Variants in ASCC1 observed in about 807,000 individuals in gnomAD.
ASCC1 encodes activating signal cointegrator 1 complex subunit 1.
A neutral mutation model predicts 46.6 loss-of-function variants in ASCC1; 35 were observed. The ratio of observed to expected loss-of-function variants is 0.75; its 90% confidence interval spans 0.57 to 0.99. The LOEUF is 0.99. Among genes scored for constraint, ASCC1 ranks in the 50% least tolerant of loss-of-function variants. ASCC1 has a pLI of 0.00. For missense variants in ASCC1, 376 were observed against 428.7 expected, an observed-to-expected ratio of 0.88 and a Z score of 1.09; for synonymous variants, 143 against 146.6, an observed-to-expected ratio of 0.98 and a Z score of 0.18.
chr10:72,097,625 A>G (rs949543717), intron 9 of ASCC1, among the ~76,000 whole-genome samples, 175 bp from the exon 10 acceptor site: 3 of 152,166 alleles, frequency 2.0e-5, no homozygotes, highest in Non-Finnish European at 4.4e-5. Flanking sequence ...TGGGGGTGGG[A>G]GTGAGAAAAG....
chr10:72,112,878 C>CA (rs60754683), intron 9 of ASCC1, among the ~76,000 whole-genome samples: 1,915 of 81,322 alleles, frequency 0.024, 6 homozygotes, highest in East Asian at 0.088. Context: ...ACTCTGCCTC[C>CA]AAAAAAAAAA....
chr10:72,112,174 C>G (rs1842989837), intron 9 of ASCC1, among the ~76,000 whole-genome samples: 1 of 152,228 alleles, frequency 6.6e-6, no homozygotes, highest in Non-Finnish European at 1.5e-5. Flanking sequence ...TATTCTGCTA[C>G]TGGTTTGTTT....
chr10:72,120,105 G>A (rs1933109163), intron 9 of ASCC1, among the ~76,000 whole-genome samples: 2 of 152,116 alleles, frequency 1.3e-5, no homozygotes, highest in African/African-American at 4.8e-5. Context: ...GCGGGTGCCT[G>A]TAATCCCAGA....
intron 7 of ASCC1, among the ~76,000 whole-genome samples, chr10:72,143,349 C>G (rs1847255909): frequency 6.6e-6 from 1 of 151,848 alleles, no homozygotes; most frequent in Admixed American, 6.6e-5. Flanking sequence ...CAGTCAATCA[C>G]CTTACTAAAC....
chr10:72,103,091 C>T, intron 9 of ASCC1: 1 of 340,794 alleles, frequency 2.9e-6, no homozygotes, highest in Non-Finnish European at 5.7e-6. Flanking sequence ...CAGGAATTAT[C>T]TTATTGCGTC....
intron 5 of ASCC1, among the ~76,000 whole-genome samples, chr10:72,195,059 G>A (rs1370474612): frequency 2.0e-5 from 3 of 150,510 alleles, no homozygotes; most frequent in East Asian, 3.9e-4. Flanking sequence ...TGTTATTTTA[G>A]TCATCACTGC....
chr10:72,106,518 T>A (rs957608736), intron 9 of ASCC1, among the ~76,000 whole-genome samples: 1 of 151,344 alleles, frequency 6.6e-6, no homozygotes, highest in Non-Finnish European at 1.5e-5. Context: ...TTTCTCACAA[T>A]TATCCCGTTT....
chr10:72,190,152 G>A (rs541267708), intron 5 of ASCC1: 13 of 762,458 alleles, frequency 1.7e-5, no homozygotes, highest in African/African-American at 1.0e-4. Context: ...TGTGGTGGCC[G>A]AAAACACCCA....
Position 72,128,085 on chromosome 10 carries a change from T to TA in ASCC1, c.953dup (p.Leu318PhefsTer5). ...ATTCACTCTGCTTCATACTGACCTT[T>TA]AAAATATTTCGGCCATCAAATGATT... is the stretch of plus-strand genomic sequence containing the variant. On this transcript the variant is annotated frameshift_variant, in exon 9 of 10. Transcript: ENST00000672957. LOFTEE classifies it high-confidence loss of function. 1 of 1,613,398 alleles carries TA rather than the reference T, an allele frequency of 6.2e-7. No homozygotes were observed. Among genetic ancestry groups the TA allele is most frequent in the Non-Finnish European group, 8.5e-7 (1 of 1,179,320 alleles).
intron 2 of ASCC1, among the ~76,000 whole-genome samples, chr10:72,212,643 T>C (rs1013148853): frequency 1.3e-5 from 2 of 151,760 alleles, no homozygotes; most frequent in Non-Finnish European, 2.9e-5. Flanking sequence ...AGGTCAGGAG[T>C]TTGAGACTAG....
chr10:72,107,308 C>T (rs1482544066), intron 9 of ASCC1, among the ~76,000 whole-genome samples: 1 of 148,178 alleles, frequency 6.7e-6, no homozygotes, highest in Admixed American at 6.7e-5. Context: ...AGTTACCCCC[C>T]CCCCAAAAAA....
Position 72,133,062 on chromosome 10 carries a change from G to T in ASCC1, c.866C>A (p.Pro289His). ...TAGTTCTCTGGGGGACTTACCATTG[G>T]GGTCTTTCCTGAATAGTGTATTCAT... ...TVMNTLFRKD[P>H]NAEGRYNLYT... The change falls in exon 8 of 10, where the codon CCC (proline) becomes CAC (histidine). Residue 289 changes from proline (P) to histidine (H), a missense_variant. Transcript: ENST00000672957. 1 of 1,614,106 alleles carries T rather than the reference G, an allele frequency of 6.2e-7. No homozygotes were observed. Among genetic ancestry groups the T allele is most frequent in the East Asian group, 2.2e-5 (1 of 44,874 alleles).
intron 5 of ASCC1, among the ~76,000 whole-genome samples, chr10:72,185,502 A>G (rs1589517156): frequency 6.6e-6 from 1 of 152,134 alleles, no homozygotes; most frequent in East Asian, 1.9e-4. Context: ...TATAACACAC[A>G]TGACTGACTC....
intron 3 of ASCC1, among the ~76,000 whole-genome samples, chr10:72,208,906 G>A (rs764176501): frequency 6.6e-6 from 1 of 152,134 alleles, no homozygotes; most frequent in Non-Finnish European, 1.5e-5. Context: ...TAACACACTT[G>A]TAATGCCAGC....
intron 9 of ASCC1, among the ~76,000 whole-genome samples, chr10:72,121,723 C>T (rs1230319407): frequency 6.6e-6 from 1 of 152,016 alleles, no homozygotes; most frequent in Non-Finnish European, 1.5e-5. Flanking sequence ...CACATATGTG[C>T]CTAAAAACAG....
In ASCC1 at chr10:72,128,149, A is replaced by G; in HGVS notation, c.890T>C (p.Leu297Pro). Residue 297 changes from leucine (L) to proline (P), a missense_variant, in exon 9 of 10, where the codon CTC becomes CCC. Transcript: ENST00000672957. The part of the protein sequence containing the change: ...KDPNAEGRYN[L>P]YTAEGKYIFK... ...GATATATTTGCCTTCCGCTGTGTAGAGATTGTACCTGCCTTCAGCTGTAAA... is the reference window on the plus strand; with the variant it reads ...GATATATTTGCCTTCCGCTGTGTAGGGATTGTACCTGCCTTCAGCTGTAAA... 6.2e-7 allele frequency: 1 copy of G among 1,613,596 alleles called. No individual in the cohort carries two copies. Among genetic ancestry groups the G allele is most frequent in the Admixed American group, 1.7e-5 (1 of 60,026 alleles).
chr10:72,149,203 C>T (rs531528888), intron 7 of ASCC1, among the ~76,000 whole-genome samples: 3 of 151,324 alleles, frequency 2.0e-5, no homozygotes, highest in East Asian at 3.9e-4. Flanking sequence ...CTTTGGGAGG[C>T]CAAGGTGGAC....
At chr10:72,159,306 A>G (rs1225394292) in intron 6 of ASCC1, 1 of 152,220 alleles carries the variant, frequency 6.6e-6, no homozygotes, top group Non-Finnish European at 1.5e-5. Context: ...GACATGCTTA[A>G]AGGGCTGAGA....
At chr10:72,143,117 T>A (rs1271933) in intron 7 of ASCC1, among the ~76,000 whole-genome samples, 2 of 146,610 alleles carry the variant, frequency 1.4e-5, no homozygotes, top group African/African-American at 2.5e-5. Context: ...GCAGAGATGG[T>A]GCCACTGCAC....
Sources: allele counts gnomAD v4.1 joint callset (sites outside exome capture counted in the v4.1 genomes callset), GRCh38; gene constraint gnomAD v4.1.1; transcripts MANE v1.5; gene names NCBI Gene and HGNC (gene_info 2026-07-23, HGNC 2026-07-21).